Variants in USP35 observed in about 807,000 individuals in gnomAD.
USP35 encodes the protein ubiquitin carboxyl-terminal hydrolase 35.
In USP35, 69 loss-of-function variants were observed where a neutral mutation model predicts 83.8. That is an observed-to-expected ratio of 0.82 (90% CI 0.68 to 1.01). The LOEUF (loss-of-function observed/expected upper bound fraction) is 1.01. Among genes scored for constraint, USP35 ranks in the 50% least tolerant of loss-of-function variants. The pLI is 0.00. For synonymous variants in USP35, 714 were observed against 589.5 expected, an observed-to-expected ratio of 1.21 and a Z score of -3.06; for missense variants, 1,503 against 1,362.5, an observed-to-expected ratio of 1.10 and a Z score of -1.62.
the USP35 span, among the ~76,000 whole-genome samples, chr11:78,222,803 G>A: frequency 0.56 from 84,643 of 151,978 alleles, 28,866 homozygotes; most frequent in Non-Finnish European, 0.78. Flanking sequence ...GGCTGGTCTC[G>A]AACTTCTGAC....
intron 6 of USP35, among the ~76,000 whole-genome samples, chr11:78,204,842 T>C (rs1406777999): frequency 2.6e-5 from 4 of 151,928 alleles, no homozygotes; most frequent in Non-Finnish European, 4.4e-5. Context: ...TCCTGGGAGG[T>C]GAATGAGCAA....
chr11:78,200,732 C>T lies in USP35; in HGVS notation c.1121C>T (p.Ala374Val), dbSNP rs370422514. The change falls in exon 6 of 11, where the codon GCG becomes GTG. Residue 374 changes from alanine (A) to valine (V), a missense_variant. Coordinates refer to ENST00000529308, the MANE Select transcript of USP35 (RefSeq NM_020798.4). ...NSGTSCLEQL[A>V]ELVHCMVFRF... ...GGGACCAGCTGCCTGGAGCAGCTGGCGGAGCTGGTCCACTGCATGGTGTTC... is the reference window on the plus strand; with the variant it reads ...GGGACCAGCTGCCTGGAGCAGCTGGTGGAGCTGGTCCACTGCATGGTGTTC... The T allele has an allele frequency of 6.4e-5, 104 of 1,614,128 alleles. No individual in the cohort carries two copies. The highest frequency in any genetic ancestry group is 8.2e-5 in the Non-Finnish European group (97 of 1,179,996).
chr11:78,194,591 G>T (rs1205071547), intron 1 of USP35, among the ~76,000 whole-genome samples: 2 of 152,200 alleles, frequency 1.3e-5, no homozygotes, highest in Non-Finnish European at 1.5e-5. Context: ...TAGATGTTAA[G>T]AGAGCAAGCT....
Position 78,209,521 on chromosome 11 carries a change from G to C in USP35, c.1666G>C (p.Glu556Gln). Residue 556 changes from glutamate (E) to glutamine (Q), a missense_variant, in exon 10 of 11, where the codon GAG (glutamate) becomes CAG (glutamine). Coordinates refer to ENST00000529308, the MANE Select transcript of USP35 (RefSeq NM_020798.4). The stretch of plus-strand genomic sequence containing the variant: ...GCAGTCCAGCTCGCCCTCTCCGCCC[G>C]AGGAGCCCCCGGCCCCAAGTTCAAC... Reference protein sequence around the residue: ...LKQSSSPSPPEEPPAPSSTSV... With the variant: ...LKQSSSPSPPQEPPAPSSTSV... 6.2e-7 allele frequency: 1 copy of C among 1,614,092 alleles called. No homozygotes were observed. The highest frequency in any genetic ancestry group is 8.5e-7 in the Non-Finnish European group (1 of 1,180,006).
chr11:78,210,324 C>A lies in USP35; in HGVS notation c.2469C>A (p.Ile823=). The A allele has an allele frequency of 6.2e-7, 1 of 1,613,258 alleles. No individual in the cohort carries two copies. The highest frequency in any genetic ancestry group is 8.5e-7 in the Non-Finnish European group (1 of 1,179,934). ...TGCGCACCATGCGGCGCCGCAAGATCCTGGATGACGTCTCCATCCCCCTGC... is the reference window on the plus strand; with the variant it reads ...TGCGCACCATGCGGCGCCGCAAGATACTGGATGACGTCTCCATCCCCCTGC... ...FDLRTMRRRK[I]LDDVSIPLLL... The change falls in exon 10 of 11, where the codon ATC becomes ATA. Residue 823 remains isoleucine, a synonymous_variant. Transcript: ENST00000529308.
chr11:78,219,734 T>C (rs954596247), downstream of USP35, among the ~76,000 whole-genome samples: 3 of 152,200 alleles, frequency 2.0e-5, no homozygotes, highest in African/African-American at 7.2e-5. Context: ...CACCCATCTC[T>C]GTCAGGTCGC....
chr11:78,221,949 C>G, the USP35 span, among the ~76,000 whole-genome samples: 2 of 152,318 alleles, frequency 1.3e-5, no homozygotes, highest in African/African-American at 4.8e-5. Context: ...TCTTTTACAG[C>G]TGAGGAAACC....
Position 78,189,122 on chromosome 11 carries a change from C to T in USP35, c.-46C>T, listed in dbSNP as rs528034946. The T allele has an allele frequency of 3.6e-4, 102 of 282,672 alleles. No homozygotes were observed. Among genetic ancestry groups the T allele is most frequent in the African/African-American group, 2.3e-3 (102 of 43,936 alleles). 17.5% of individuals were successfully genotyped at this position (282,672 alleles called of 1,614,324 possible). A position where few individuals can be genotyped will look rare whatever the true frequency, so the allele number is the denominator to read the frequency against. On this transcript the variant is annotated 5_prime_UTR_variant, in exon 1 of 11. Transcript: ENST00000529308. Reference sequence around the variant, plus strand: ...CGTCCTGCCCGGCCTGAGCGCCCCGCCCAGCAGCCGGCTCTGGCCCACCGG... The same window carrying T: ...CGTCCTGCCCGGCCTGAGCGCCCCGTCCAGCAGCCGGCTCTGGCCCACCGG...
At chr11:78,203,922 G>A (rs1482127743) in intron 6 of USP35, among the ~76,000 whole-genome samples, 4 of 122,250 alleles carry the variant, frequency 3.3e-5, no homozygotes, top group Non-Finnish European at 4.8e-5. Flanking sequence ...ACGGAGTCTC[G>A]CTCTGTCGTC....
intron 3 of USP35, 170 bp from the exon 4 acceptor site, chr11:78,199,425 G>A: frequency 1.0e-6 from 1 of 994,330 alleles, no homozygotes; most frequent in Non-Finnish European, 1.5e-6. Flanking sequence ...GCTGTGCTGG[G>A]CTTGTGCATT....
intron 6 of USP35, among the ~76,000 whole-genome samples, chr11:78,202,148 C>T (rs1043949498): frequency 2.0e-5 from 3 of 152,110 alleles, no homozygotes; most frequent in African/African-American, 7.2e-5. Flanking sequence ...AAGTGCGTGG[C>T]TGAGATGGCC....
In USP35 at chr11:78,206,048, T is replaced by G; in HGVS notation, c.1391+13T>G. 1 of 1,603,592 alleles carries G rather than the reference T, an allele frequency of 6.2e-7. No homozygotes were observed. The highest frequency in any genetic ancestry group is 8.5e-7 in the Non-Finnish European group (1 of 1,171,856). Reference sequence around the variant, plus strand: ...TCATGGCGTCTGAGTAGGTGCTGCTTTGGAATTCCCTGTCTGCCCTTGCTT... The same window carrying G: ...TCATGGCGTCTGAGTAGGTGCTGCTGTGGAATTCCCTGTCTGCCCTTGCTT... On this transcript the variant is annotated intron_variant, in intron 7 of 10. Transcript: ENST00000529308.
At position 78,213,943 on chromosome 11, in the gene USP35, AG is replaced by A. The variant is rs1863931346; in HGVS notation, c.*133del. Reference sequence around the variant, plus strand: ...GGCACCTTAGTCCTCAGCCTGATGAAGGGTACACAGAGATTCTCTCAGATAT... The same window carrying A: ...GGCACCTTAGTCCTCAGCCTGATGAAGGTACACAGAGATTCTCTCAGATAT... On this transcript the variant is annotated 3_prime_UTR_variant, in exon 11 of 11. Coordinates refer to ENST00000529308, the MANE Select transcript of USP35 (RefSeq NM_020798.4). 9.8e-7 allele frequency: 1 copy of A among 1,015,840 alleles called. No homozygotes were observed. The highest frequency in any genetic ancestry group is 1.4e-6 in the Non-Finnish European group (1 of 734,656). 62.9% of individuals were successfully genotyped at this position (1,015,840 alleles called of 1,614,324 possible). A position where few individuals can be genotyped will look rare whatever the true frequency, so the allele number is the denominator to read the frequency against.
intron 8 of USP35, 126 bp downstream of exon 8, chr11:78,207,749 C>G: frequency 1.0e-6 from 1 of 992,718 alleles, no homozygotes; most frequent in Non-Finnish European, 1.5e-6. Flanking sequence ...TTGCTGAGCC[C>G]CTGGCCGGGC....
Position 78,200,220 on chromosome 11 carries a change from G to A in USP35, c.1024G>A (p.Glu342Lys), listed in dbSNP as rs1273026171. The change falls in exon 5 of 11, where the codon GAA becomes AAA. Residue 342 changes from glutamate (E) to lysine (K), a missense_variant. Glu to Lys is a moderately conservative substitution (Grantham distance 56, BLOSUM62 1). Transcript: ENST00000529308. Reference protein sequence around the residue: ...YMLLTFQHSHEAFHLLLPHIP... With the variant: ...YMLLTFQHSHKAFHLLLPHIP... ...GCTCCTGACCTTCCAGCACTCCCAC[G>A]AAGCCTTCCACCTGGTAAGGTCCCC... 5.6e-6 allele frequency: 9 copies of A among 1,613,646 alleles called. No individual in the cohort carries two copies. The highest frequency in any genetic ancestry group is 1.6e-4 in the Middle Eastern group (1 of 6,084).
chr11:78,207,717 T>A, intron 8 of USP35, 94 bp downstream of exon 8: 1 of 1,279,572 alleles, frequency 7.8e-7, no homozygotes, highest in Non-Finnish European at 1.1e-6. Context: ...TGCCTGCATC[T>A]GGCTGTCATC....
chr11:78,194,507 T>A (rs1461167041), intron 1 of USP35, among the ~76,000 whole-genome samples: 1 of 152,244 alleles, frequency 6.6e-6, no homozygotes, highest in East Asian at 1.9e-4. Flanking sequence ...CTGCTGAGTC[T>A]TATATCAGGT....
intron 6 of USP35, among the ~76,000 whole-genome samples, chr11:78,204,203 A>G (rs989377479): frequency 6.6e-6 from 1 of 152,208 alleles, no homozygotes; most frequent in African/African-American, 2.4e-5. Context: ...TTTTCTTTGA[A>G]TGTTAGAAAA....
downstream of USP35, chr11:78,219,155 T>A (rs1328834306): frequency 1.0e-6 from 1 of 995,444 alleles, no homozygotes; most frequent in Non-Finnish European, 1.5e-6. Context: ...CTTTGAAGGC[T>A]GAGACTGGCA....
Sources: gnomAD v4.1 joint callset for allele counts (sites outside exome capture counted in the v4.1 genomes callset) on GRCh38, gnomAD v4.1.1 for gene constraint, MANE v1.5 for transcripts, NCBI Gene and HGNC (gene_info 2026-07-23, HGNC 2026-07-21) for gene names.